The following SH3PXD2A variants were observed in gnomAD, a reference collection of about 807,000 sequenced individuals.
SH3PXD2A encodes the protein SH3 and PX domains 2A, also known as SH3 and PX domain-containing protein 2A.
In SH3PXD2A, 32 loss-of-function variants were observed where a neutral mutation model predicts 115.2. The ratio of observed to expected loss-of-function variants is 0.28; its 90% CI spans 0.21 to 0.37. SH3PXD2A has a LOEUF of 0.37. Among genes scored for constraint, SH3PXD2A ranks in the 10% least tolerant of loss-of-function variants. The pLI is 1.00. For missense variants in SH3PXD2A, 1,328 were observed against 1,498.7 expected (o/e 0.89, Z 1.88); for synonymous variants, 610 against 629.1 (o/e 0.97, Z 0.45).
At chr10:103,782,988 GC>G (rs1472875894) in intron 2 of SH3PXD2A, among the ~76,000 whole-genome samples, 1 of 152,076 alleles carries the variant, frequency 6.6e-6, no homozygotes, top group African/African-American at 2.4e-5. Context: ...GAGGCTGAGT[GC>G]CCAGGAGTCA....
Position 103,613,128 on chromosome 10 carries a change from G to A in SH3PXD2A, c.983C>T (p.Pro328Leu). 1.2e-6 allele frequency: 2 copies of A among 1,613,840 alleles called. No homozygotes were observed. The highest frequency in any genetic ancestry group is 1.7e-6 in the Non-Finnish European group (2 of 1,179,900). Residue 328 changes from proline (P) to leucine (L), a missense_variant, in exon 12 of 15, where the codon CCA becomes CTA. Pro to Leu is a moderately conservative substitution (Grantham distance 98). This residue lies in a region of SH3PXD2A where 509 missense variants were observed against 628.3 expected (regional missense o/e 0.81). Coordinates refer to ENST00000369774, the MANE Select transcript of SH3PXD2A (RefSeq NM_001394015.1). ...GCCGGCCAGGTTCTTCTTCCGGGTT[G>A]GCAGGTCATCCTTGGCCTTCTTCAG... is the stretch of plus-strand genomic sequence containing the variant. ...SYLKKAKDDL[P>L]TRKKNLAGPV...
intron 2 of SH3PXD2A, among the ~76,000 whole-genome samples, chr10:103,781,719 T>A (rs1471028501): frequency 1.3e-5 from 2 of 152,210 alleles, no homozygotes; most frequent in African/African-American, 4.8e-5. Flanking sequence ...CACAGCTGTA[T>A]CTATCAAACC....
rs143550899 is a variant in SH3PXD2A, at chr10:103,825,203, C to T, written c.73-23841G>A. The stretch of plus-strand genomic sequence containing the variant: ...TTTATACTGCTGGCTTCTGCTGGCT[C>T]CCAAACAACCCCAACCCTGACACCT... On this transcript the variant is annotated intron_variant, in intron 1 of 14. Transcript: ENST00000369774. Among the ~76,000 whole-genome samples the T allele has an allele frequency of 2.0e-5, 3 of 152,282 alleles. No individual in the cohort carries two copies. The East Asian group carries it at 5.8e-4, about 29-fold the overall frequency.
chr10:103,675,429 T>C (rs527748839), intron 6 of SH3PXD2A, among the ~76,000 whole-genome samples: 1 of 152,104 alleles, frequency 6.6e-6, no homozygotes, highest in Non-Finnish European at 1.5e-5. Context: ...GGATATCTTC[T>C]TAAAGACAGA....
rs2037377266 is a variant in SH3PXD2A at position 103,665,849 on chromosome 10, A to G, written c.472+2759T>C. 6.6e-6 allele frequency among the ~76,000 whole-genome samples: 1 copy of G among 152,038 alleles called. No individual in the cohort carries two copies. Among genetic ancestry groups the G allele is most frequent in the Non-Finnish European group, 1.5e-5 (1 of 67,982 alleles). ...AGGAGTGCTTGGCAGGAGCATGGAG[A>G]AGGGGTGTACCTCTTCTAGACAGCA... On this transcript the variant is annotated intron_variant, in intron 7 of 14. Coordinates refer to ENST00000369774, the MANE Select transcript of SH3PXD2A (RefSeq NM_001394015.1). This position sits in a 1 kb window ranked among gnomAD's most constrained non-coding sequence, Gnocchi z 4.0.
intron 3 of SH3PXD2A, among the ~76,000 whole-genome samples, chr10:103,747,456 A>G (rs894056150): frequency 1.3e-5 from 2 of 152,144 alleles, no homozygotes; most frequent in African/African-American, 4.8e-5. Context: ...GCCCTCAGGA[A>G]AGACGGTGGG....
At chr10:103,671,770 G>T (rs756954642) in intron 6 of SH3PXD2A, among the ~76,000 whole-genome samples, 17 of 152,328 alleles carry the variant, frequency 1.1e-4, no homozygotes, top group Non-Finnish European at 1.9e-4. Flanking sequence ...GGAGCAGTGG[G>T]GGGGAGGCGG....
At chr10:103,845,350 A>G (rs11191825) in intron 1 of SH3PXD2A, among the ~76,000 whole-genome samples, 2 of 74,202 alleles carry the variant, frequency 2.7e-5, no homozygotes, top group Non-Finnish European at 7.0e-5. Context: ...AAAAAAGAAA[A>G]AAGAAAAAGA....
chr10:103,850,874 A>G (rs1444175418), intron 1 of SH3PXD2A, among the ~76,000 whole-genome samples: 1 of 152,170 alleles, frequency 6.6e-6, no homozygotes, highest in African/African-American at 2.4e-5. Flanking sequence ...TATATGGTGC[A>G]TGTCCATGGT....
chr10:103,770,659 G>C (rs1167927356), intron 2 of SH3PXD2A, among the ~76,000 whole-genome samples: 2 of 152,188 alleles, frequency 1.3e-5, no homozygotes, highest in African/African-American at 4.8e-5. Context: ...AGGTGTCCCT[G>C]GCAGCTGGTT....
intron 1 of SH3PXD2A, among the ~76,000 whole-genome samples, chr10:103,848,208 TCTCCTCCTC>T (rs10597762): frequency 1.3e-5 from 2 of 151,128 alleles, no homozygotes; most frequent in Admixed American, 6.6e-5. Context: ...TGCTGCTCCC[TCTCCTCCTC>T]CTCCTCCTCC....
rs1207823348 is a variant in SH3PXD2A at position 103,597,123 on chromosome 10, T to TTC, written c.*4692_*4693insGA. 1.3e-5 allele frequency: 2 copies of TTC among 152,674 alleles called. No homozygotes were observed. The highest frequency in any genetic ancestry group is 1.5e-5 in the Non-Finnish European group (1 of 68,066). 9.5% of individuals were successfully genotyped at this position (152,674 alleles called of 1,614,324 possible). A position where few individuals can be genotyped will look rare whatever the true frequency, so the allele number is the denominator to read the frequency against. On this transcript the variant is annotated 3_prime_UTR_variant, in exon 15 of 15. Transcript: ENST00000369774. ...CCCGGAGCAGAATTTGTATGGACTC[T>TTC]CTGGGTGTGGAGCCCAGGCAGGGCT...
rs866783302 is a variant in SH3PXD2A, at chr10:103,612,283, G to T, written c.1258+570C>A. ...TCTTGAAGAACGCCCTGTTGAAACT[G>T]CCTGTGTAGAGTGGTAAAGCCTTAG... On this transcript the variant is annotated intron_variant, in intron 12 of 14. Coordinates refer to ENST00000369774, the MANE Select transcript of SH3PXD2A (RefSeq NM_001394015.1). Among the ~76,000 whole-genome samples the T allele has an allele frequency of 1.4e-4, 21 of 152,304 alleles. No homozygotes were observed. The Middle Eastern group carries it at 0.014, about 99-fold the overall frequency.
At chr10:103,643,626 A>G (rs896206289) in intron 8 of SH3PXD2A, among the ~76,000 whole-genome samples, 1 of 152,192 alleles carries the variant, frequency 6.6e-6, no homozygotes, top group East Asian at 1.9e-4. Context: ...CGTCTGACAG[A>G]TGTTAACAGC....
intron 6 of SH3PXD2A, among the ~76,000 whole-genome samples, chr10:103,677,706 T>G (rs1375034392): frequency 6.6e-6 from 1 of 152,202 alleles, no homozygotes; most frequent in African/African-American, 2.4e-5. Context: ...AGATTTGTTA[T>G]GAGTCTCTTC....
chr10:103,775,222 C>G (rs143218311), intron 2 of SH3PXD2A, among the ~76,000 whole-genome samples: 1 of 152,316 alleles, frequency 6.6e-6, no homozygotes, highest in Non-Finnish European at 1.5e-5. Flanking sequence ...TCAAAGAAGT[C>G]TTCTTTGACC....
chr10:103,748,072 C>T (rs558371142), intron 3 of SH3PXD2A, among the ~76,000 whole-genome samples: 8 of 152,202 alleles, frequency 5.3e-5, no homozygotes, highest in Non-Finnish European at 1.2e-4. Context: ...AGGATGGTGA[C>T]AGTAACATTA....
rs2036180784 is a variant in SH3PXD2A at position 103,599,205 on chromosome 10, T to G, written c.*2611A>C. 6.7e-6 allele frequency: 1 copy of G among 149,436 alleles called. No homozygotes were observed. The highest frequency in any genetic ancestry group is 2.1e-4 in the South Asian group (1 of 4,718). 9.3% of individuals were successfully genotyped at this position (149,436 alleles called of 1,614,324 possible). On this transcript the variant is annotated 3_prime_UTR_variant, in exon 15 of 15. Transcript: ENST00000369774. ...ATGGGATAGAGACCTCTGAGGTCTC[T>G]TTCAGTCCTGCATTTTAATGACTCT...
chr10:103,621,645 G>A (rs1157083732), intron 10 of SH3PXD2A, among the ~76,000 whole-genome samples: 1 of 152,226 alleles, frequency 6.6e-6, no homozygotes, highest in Non-Finnish European at 1.5e-5. Flanking sequence ...GCTCCATGCG[G>A]GGCTGGCCAA....
Sources: gnomAD v4.1 joint callset for allele counts (sites outside exome capture counted in the v4.1 genomes callset) on GRCh38, gnomAD v4.1.1 for gene constraint, gnomAD v4.1.1 regional missense constraint, Gnocchi (gnomAD v3.1) non-coding constraint, MANE v1.5 for transcripts, NCBI Gene and HGNC (gene_info 2026-07-23, HGNC 2026-07-21) for gene names.